HFM1: variants seen among roughly 807,000 people sequenced by gnomAD.
The protein encoded by HFM1 is probable ATP-dependent DNA helicase HFM1.
Under a neutral mutation model 192.1 loss-of-function variants are expected in HFM1, and 169 were observed. The observed-to-expected ratio is 0.88, with a 90% CI of 0.78 to 1.00. The LOEUF is 1.00. Ranked by LOEUF, HFM1 falls within the 50% of genes least tolerant of loss-of-function variation. HFM1 has a pLI of 0.00. For synonymous variants in HFM1, 525 were observed against 537.8 expected, an observed-to-expected ratio of 0.98 and a Z score of 0.33; for missense variants, 1,661 against 1,668.0, an observed-to-expected ratio of 1.00 and a Z score of 0.07.
intron 19 of HFM1, among the ~76,000 whole-genome samples, chr1:91,344,195 C>T (rs563007267): frequency 6.6e-6 from 1 of 152,306 alleles, no homozygotes; most frequent in Admixed American, 6.5e-5. Flanking sequence ...TAGTAATCTG[C>T]TGCTGACAGT....
At chr1:91,360,735 A>AATATAC (rs1658384105) in intron 13 of HFM1, among the ~76,000 whole-genome samples, 2 of 152,176 alleles carry the variant, frequency 1.3e-5, no homozygotes, top group Non-Finnish European at 2.9e-5. Context: ...AATTCAACAG[A>AATATAC]ATATACATTT....
chr1:91,311,976 G>A lies in HFM1; in HGVS notation c.3391+1373C>T, dbSNP rs148927924. ...CTCCAGCTGTGGCTTCAAGGCTTGTGGAAGCCCCAAGCCTTGGCAGCTTCC... is the reference window on the plus strand; with the variant it reads ...CTCCAGCTGTGGCTTCAAGGCTTGTAGAAGCCCCAAGCCTTGGCAGCTTCC... On this transcript the variant is annotated intron_variant, in intron 30 of 38. Coordinates refer to ENST00000370425, the MANE Select transcript of HFM1 (RefSeq NM_001017975.6). Among the ~76,000 whole-genome samples the A allele has an allele frequency of 2.3e-3, 343 of 152,316 alleles. 1 individual carries two copies. The highest frequency in any genetic ancestry group is 7.8e-3 in the African/African-American group (325 of 41,572).
chr1:91,331,325 A>C (rs1653787065), intron 20 of HFM1, among the ~76,000 whole-genome samples: 1 of 152,242 alleles, frequency 6.6e-6, no homozygotes, highest in Non-Finnish European at 1.5e-5. Context: ...CCTATATGCC[A>C]ACAGTGAAAA....
At chr1:91,403,542 G>A (rs771832771) in intron 1 of HFM1, among the ~76,000 whole-genome samples, 1 of 152,050 alleles carries the variant, frequency 6.6e-6, no homozygotes, top group East Asian at 1.9e-4. Flanking sequence ...GATGTGAGGG[G>A]ATGCTATTTT....
intron 30 of HFM1, among the ~76,000 whole-genome samples, chr1:91,298,944 A>C (rs937417863): frequency 1.3e-5 from 2 of 152,162 alleles, no homozygotes; most frequent in African/African-American, 2.4e-5. Flanking sequence ...AACAATATTA[A>C]CCTTAACTGT....
At chr1:91,316,224 T>C (rs1651195909) in intron 26 of HFM1, 40 bp from the exon 27 acceptor site, 2 of 1,244,818 alleles carry the variant, frequency 1.6e-6, no homozygotes, top group Non-Finnish European at 2.3e-6. Context: ...CCACAACACT[T>C]GAAATTCTTT....
intron 4 of HFM1, among the ~76,000 whole-genome samples, chr1:91,389,824 T>C (rs768222152): frequency 6.6e-6 from 1 of 152,282 alleles, no homozygotes; most frequent in South Asian, 2.1e-4. Context: ...AAATAACAAG[T>C]ACTGGACAGA....
At chr1:91,327,565 C>T (rs939626219) in intron 20 of HFM1, among the ~76,000 whole-genome samples, 1 of 152,150 alleles carries the variant, frequency 6.6e-6, no homozygotes, top group Non-Finnish European at 1.5e-5. Context: ...CAGCACTGAA[C>T]AGATCATCCA....
upstream of HFM1, among the ~76,000 whole-genome samples, chr1:91,406,695 A>G (rs1283710967): frequency 1.3e-5 from 2 of 152,202 alleles, no homozygotes; most frequent in Non-Finnish European, 2.9e-5. Context: ...CATAACTAAC[A>G]TTTGAAATAT....
In HFM1 at chr1:91,316,393, A is replaced by T; in HGVS notation, c.2896T>A (p.Leu966Met). ...IEETDARELE[L>M]ILNRHPPFGT... The stretch of plus-strand genomic sequence containing the variant: ...TAGGAATAAGTGAATATAACTACCA[A>T]TTCAAGTTCCCTTGCATCTGTCTCT... Residue 966 changes from leucine to methionine, a missense_variant and splice_region_variant, in exon 26 of 39, where the codon TTG (leucine) becomes ATG (methionine). Leu to Met is a conservative substitution (Grantham distance 15). Transcript: ENST00000370425. 6.6e-7 allele frequency: 1 copy of T among 1,524,812 alleles called. No individual in the cohort carries two copies. Among genetic ancestry groups the T allele is most frequent in the Non-Finnish European group, 9.0e-7 (1 of 1,114,958 alleles). The allele number at this position is 1,524,812 out of a possible 1,614,324, so 94.5% of individuals were successfully genotyped here.
chr1:91,353,212 A>C, intron 14 of HFM1, 44 bp downstream of exon 14: 2 of 1,560,968 alleles, frequency 1.3e-6, no homozygotes, highest in South Asian at 1.1e-5. Context: ...GGCACCTTTC[A>C]TCTATATGTG....
chr1:91,357,271 T>C (rs544767194), intron 13 of HFM1, among the ~76,000 whole-genome samples: 16 of 152,192 alleles, frequency 1.1e-4, no homozygotes, highest in Admixed American at 2.0e-4. Context: ...GTGGATTTAT[T>C]CCTGGCAAGC....
At chr1:91,289,626 G>C (rs867776532) in intron 30 of HFM1, among the ~76,000 whole-genome samples, 1 of 152,304 alleles carries the variant, frequency 6.6e-6, no homozygotes, top group Middle Eastern at 3.4e-3. Flanking sequence ...TTGGGAGGCT[G>C]AGGCTGGCAG....
At chr1:91,396,489 T>C (rs1663675061) in intron 2 of HFM1, 84 bp from the exon 3 acceptor site, 1 of 681,120 alleles carries the variant, frequency 1.5e-6, no homozygotes, top group East Asian at 2.8e-5. Flanking sequence ...ATTACTCAAT[T>C]GGACTCTTAA....
At chr1:91,366,804 CGAGGCATCGCCTCACCCGG>C (rs1659378727) in intron 13 of HFM1, among the ~76,000 whole-genome samples, 1 of 152,186 alleles carries the variant, frequency 6.6e-6, no homozygotes, top group Non-Finnish European at 1.5e-5. Context: ...TGAAGCAGGG[CGAGGCATCGCCTCACCCGG>C]GAAATGCAAG....
At chr1:91,328,364 C>T (rs1251549623) in intron 20 of HFM1, 2 of 1,556,982 alleles carry the variant, frequency 1.3e-6, no homozygotes, top group East Asian at 2.3e-5. Flanking sequence ...GGCCAGTCAT[C>T]CCTCCTCTGT....
intron 11 of HFM1, 110 bp from the exon 12 acceptor site, chr1:91,375,837 C>A: frequency 1.3e-6 from 1 of 775,708 alleles, no homozygotes; most frequent in South Asian, 1.7e-5. Flanking sequence ...AGTATTTAAT[C>A]AAGTATGCTG....
In HFM1 at chr1:91,328,529, G is replaced by A. The variant is rs182891915; in HGVS notation, c.2336-3763C>T. ...TTCCTGATTGCTGTTCGCCAGGGTG[G>A]GGATGTGCTGCAGAACGAGGAGGGT... On this transcript the variant is annotated intron_variant, in intron 20 of 38. Coordinates refer to ENST00000370425, the MANE Select transcript of HFM1 (RefSeq NM_001017975.6). The A allele has an allele frequency of 7.9e-5, 128 of 1,613,086 alleles. No individual in the cohort carries two copies. The East Asian group carries it at 2.7e-3, about 34-fold the overall frequency.
At chr1:91,364,630 A>ATTTT (rs369717640) in intron 13 of HFM1, among the ~76,000 whole-genome samples, 1,272 of 74,016 alleles carry the variant, frequency 0.017, 16 homozygotes, top group East Asian at 0.034. Flanking sequence ...ATATATATAT[A>ATTTT]TATTTTTTTT....
Sources: gnomAD v4.1 joint callset for allele counts (sites outside exome capture counted in the v4.1 genomes callset) on GRCh38, gnomAD v4.1.1 for gene constraint, MANE v1.5 for transcripts, NCBI Gene and HGNC (gene_info 2026-07-23, HGNC 2026-07-21) for gene names.